Variants in FHIT observed in about 807,000 individuals in gnomAD.
The protein encoded by FHIT is bis(5'-adenosyl)-triphosphatase.
Under a neutral mutation model 17.9 loss-of-function variants are expected in FHIT, and 19 were observed. The observed-to-expected ratio is 1.06, with a 90% CI of 0.74 to 1.56. FHIT has a LOEUF of 1.56. Among genes scored for constraint, FHIT ranks in the 40% most tolerant of loss-of-function variants. FHIT has a pLI of 0.00. For synonymous variants in FHIT, 81 were observed against 69.7 expected (o/e 1.16, Z -0.81); for missense variants, 248 against 189.2 (o/e 1.31, Z -1.82).
At chr3:59,846,965 G>C (rs978563230) in intron 8 of FHIT, among the ~76,000 whole-genome samples, 1 of 152,084 alleles carries the variant, frequency 6.6e-6, no homozygotes. Context: ...AGGATCCCTA[G>C]TGCATGACAA....
chr3:60,729,166 C>G (rs1553710443), intron 4 of FHIT, among the ~76,000 whole-genome samples: 1 of 152,196 alleles, frequency 6.6e-6, no homozygotes, highest in Non-Finnish European at 1.5e-5. Context: ...GGCTGTATAT[C>G]ACTGCAATGA....
chr3:59,980,935 T>C (rs1221641725), intron 7 of FHIT, among the ~76,000 whole-genome samples: 1 of 152,180 alleles, frequency 6.6e-6, no homozygotes, highest in African/African-American at 2.4e-5. Context: ...ATCCTAACTA[T>C]GAACATGAAA....
At chr3:59,830,552 A>G (rs1020478960) in intron 8 of FHIT, among the ~76,000 whole-genome samples, 2 of 152,182 alleles carry the variant, frequency 1.3e-5, no homozygotes, top group African/African-American at 4.8e-5. Flanking sequence ...AATCTTTGGG[A>G]TTTTGCAGTG....
chr3:60,139,944 A>G (rs968753919), intron 5 of FHIT, among the ~76,000 whole-genome samples: 5 of 152,110 alleles, frequency 3.3e-5, no homozygotes, highest in African/African-American at 1.2e-4. Flanking sequence ...CAAGATGGTG[A>G]AACCCTGTCT....
intron 8 of FHIT, among the ~76,000 whole-genome samples, chr3:59,892,412 G>A (rs760364074): frequency 2.2e-4 from 34 of 152,250 alleles, no homozygotes; most frequent in Admixed American, 7.2e-4. Context: ...GTGATTAGTC[G>A]TCTGCTTTTT....
At chr3:60,369,296 T>A (rs970340680) in intron 5 of FHIT, among the ~76,000 whole-genome samples, 1 of 152,134 alleles carries the variant, frequency 6.6e-6, no homozygotes, top group African/African-American at 2.4e-5. Flanking sequence ...TCCTAGAATT[T>A]CTATTTGATT....
intron 7 of FHIT, among the ~76,000 whole-genome samples, chr3:59,935,326 A>C (rs1706182071): frequency 6.6e-6 from 1 of 152,094 alleles, no homozygotes; most frequent in Non-Finnish European, 1.5e-5. Context: ...TGGTAGAAAA[A>C]ATTATAAGTG....
intron 2 of FHIT, among the ~76,000 whole-genome samples, chr3:61,079,628 A>G (rs917284158): frequency 6.6e-6 from 1 of 152,192 alleles, no homozygotes; most frequent in Non-Finnish European, 1.5e-5. Context: ...ATTTGATGGT[A>G]TGAAAGATGT....
In FHIT at chr3:60,563,947, C is replaced by A. The variant is rs1584341; in HGVS notation, c.-17-26968G>T. On this transcript the variant is annotated intron_variant, in intron 4 of 9. Coordinates refer to ENST00000492590, the MANE Select transcript of FHIT (RefSeq NM_002012.4). ...TTGACCATATTAAACAATAGATTTT[C>A]GATAGTGACAAAACAGCCTTCTATT... 8.2e-3 allele frequency among the ~76,000 whole-genome samples: 1,244 copies of A among 152,264 alleles called. 6 individuals are homozygous for A. Among genetic ancestry groups the A allele is most frequent in the Non-Finnish European group, 0.014 (960 of 68,016 alleles).
At chr3:60,785,263 T>G (rs1700527523) in intron 4 of FHIT, among the ~76,000 whole-genome samples, 1 of 151,888 alleles carries the variant, frequency 6.6e-6, no homozygotes, top group Non-Finnish European at 1.5e-5. Context: ...GAAGAAGGAG[T>G]AGGTCTGAAA....
At chr3:59,927,141 A>G (rs1261563261) in intron 7 of FHIT, among the ~76,000 whole-genome samples, 1 of 133,674 alleles carries the variant, frequency 7.5e-6, no homozygotes, top group Non-Finnish European at 1.8e-5. Context: ...ATTTGGCCAT[A>G]AAAAGGAGTG....
intron 3 of FHIT, among the ~76,000 whole-genome samples, chr3:60,911,586 G>A (rs1344063871): frequency 6.6e-6 from 1 of 152,196 alleles, no homozygotes; most frequent in Non-Finnish European, 1.5e-5. Flanking sequence ...GCCCCACCAA[G>A]CACTGCCATT....
chr3:60,787,652 T>G (rs1700627796), intron 4 of FHIT, among the ~76,000 whole-genome samples: 1 of 152,232 alleles, frequency 6.6e-6, no homozygotes, highest in African/African-American at 2.4e-5. Flanking sequence ...CATTCTGTGT[T>G]TGTGAATTTG....
intron 2 of FHIT, among the ~76,000 whole-genome samples, chr3:61,179,532 A>C: frequency 6.6e-6 from 1 of 151,806 alleles, no homozygotes; most frequent in East Asian, 1.9e-4. Flanking sequence ...AACAATAATG[A>C]GACTCTGTCT....
At chr3:59,834,076 T>C (rs1404567689) in intron 8 of FHIT, among the ~76,000 whole-genome samples, 1 of 152,180 alleles carries the variant, frequency 6.6e-6, no homozygotes, top group East Asian at 1.9e-4. Context: ...TACAGCTATA[T>C]TGCCATATCT....
At chr3:60,714,368 T>C (rs1553706075) in intron 4 of FHIT, among the ~76,000 whole-genome samples, 1 of 152,054 alleles carries the variant, frequency 6.6e-6, no homozygotes, top group Admixed American at 6.6e-5. Flanking sequence ...CTTTGAAAAC[T>C]GGCACAAGAC....
At chr3:60,130,875 A>G (rs769221462) in intron 5 of FHIT, among the ~76,000 whole-genome samples, 22 of 122,310 alleles carry the variant, frequency 1.8e-4, no homozygotes, top group Non-Finnish European at 3.6e-4. Context: ...ATAGACACGT[A>G]TACATGTATA....
intron 8 of FHIT, among the ~76,000 whole-genome samples, chr3:59,914,462 T>A (rs1705035649): frequency 6.6e-6 from 1 of 152,186 alleles, no homozygotes; most frequent in Non-Finnish European, 1.5e-5. Context: ...ATGTGGCACA[T>A]GAATGAACCT....
intron 5 of FHIT, among the ~76,000 whole-genome samples, chr3:60,345,315 A>G (rs1710721143): frequency 6.6e-6 from 1 of 152,198 alleles, no homozygotes; most frequent in Admixed American, 6.5e-5. Flanking sequence ...CTCATCAATT[A>G]GAGACAGCAT....
Sources: gnomAD v4.1 joint callset for allele counts (sites outside exome capture counted in the v4.1 genomes callset) on GRCh38, gnomAD v4.1.1 for gene constraint, MANE v1.5 for transcripts, NCBI Gene and HGNC (gene_info 2026-07-23, HGNC 2026-07-21) for gene names.